SPATA6L: variants seen among roughly 807,000 people sequenced by gnomAD.
SPATA6L encodes spermatogenesis associated 6 like, also known as spermatogenesis associated 6-like protein.
Under a neutral mutation model 49.2 loss-of-function variants are expected in SPATA6L, and 68 were observed. The observed-to-expected ratio is 1.38, with a 90% CI of 1.14 to 1.69. SPATA6L has a LOEUF of 1.69. Ranked by LOEUF, SPATA6L falls within the 40% of genes most tolerant of loss-of-function variation. SPATA6L has a pLI of 0.00. For synonymous variants in SPATA6L, 198 were observed against 165.7 expected (o/e 1.19, Z -1.50); for missense variants, 668 against 464.3 (o/e 1.44, Z -4.03).
At chr9:4,591,843 G>A (rs973069698) in intron 13 of SPATA6L, among the ~76,000 whole-genome samples, 2 of 152,076 alleles carry the variant, frequency 1.3e-5, no homozygotes, top group East Asian at 1.9e-4. Context: ...ATCAATCCAG[G>A]CAGACAGTCA....
At chr9:4,632,531 G>C (rs1390200799) in intron 4 of SPATA6L, among the ~76,000 whole-genome samples, 1 of 151,624 alleles carries the variant, frequency 6.6e-6, no homozygotes, top group Non-Finnish European at 1.5e-5. Context: ...GGGAGGCAGA[G>C]GTTGCAGTGA....
At chr9:4,644,909 G>C (rs1835008644) in intron 3 of SPATA6L, among the ~76,000 whole-genome samples, 1 of 152,160 alleles carries the variant, frequency 6.6e-6, no homozygotes, top group Non-Finnish European at 1.5e-5. Context: ...TTCTAGCACA[G>C]GGGTCACAGA....
At chr9:4,657,995 G>A (rs1464785387) in intron 2 of SPATA6L, among the ~76,000 whole-genome samples, 2 of 152,052 alleles carry the variant, frequency 1.3e-5, no homozygotes, top group Admixed American at 6.6e-5. Flanking sequence ...TGAATGCCGT[G>A]TAAATATTGG....
intron 3 of SPATA6L, among the ~76,000 whole-genome samples, chr9:4,655,555 GTTT>G (rs57237870): frequency 6.9e-6 from 1 of 145,760 alleles, no homozygotes; most frequent in Non-Finnish European, 1.5e-5. Context: ...TTTTTTTGTT[GTTT>G]TTTTTTTTGA....
intron 4 of SPATA6L, among the ~76,000 whole-genome samples, chr9:4,629,562 T>G (rs935149481): frequency 2.6e-4 from 40 of 151,974 alleles, no homozygotes; most frequent in African/African-American, 8.9e-4. Flanking sequence ...TGGAATTGAA[T>G]GAGATTACCT....
intron 9 of SPATA6L, among the ~76,000 whole-genome samples, chr9:4,606,389 A>C (rs1405190237): frequency 4.2e-5 from 5 of 119,298 alleles, no homozygotes; most frequent in Admixed American, 1.8e-4. Flanking sequence ...TGCAGACTTA[A>C]ATGTCCCTGT....
chr9:4,661,824 G>C, intron 2 of SPATA6L, 75 bp downstream of exon 2: 2 of 1,530,824 alleles, frequency 1.3e-6, no homozygotes, highest in Admixed American at 1.9e-5. Flanking sequence ...AAATAATGCT[G>C]TAAGAACTCT....
At chr9:4,663,026 GGCCGC>G in intron 1 of SPATA6L, 1 of 1,613,740 alleles carries the variant, frequency 6.2e-7, no homozygotes, top group Non-Finnish European at 8.5e-7. Flanking sequence ...ATGCCACAAG[GGCCGC>G]CCTGATGTCG....
At chr9:4,614,952 A>G (rs1271101681) in intron 9 of SPATA6L, among the ~76,000 whole-genome samples, 2 of 151,900 alleles carry the variant, frequency 1.3e-5, no homozygotes, top group Non-Finnish European at 2.9e-5. Flanking sequence ...AGAGCTCCTC[A>G]CTCCTTCCAA....
chr9:4,610,868 A>T (rs951416421), intron 9 of SPATA6L, among the ~76,000 whole-genome samples: 4 of 151,714 alleles, frequency 2.6e-5, no homozygotes. Context: ...GCAACCTACA[A>T]AATGGGAGAA....
chr9:4,632,249 A>G (rs1384723150), intron 4 of SPATA6L, among the ~76,000 whole-genome samples: 1 of 151,560 alleles, frequency 6.6e-6, no homozygotes, highest in African/African-American at 2.4e-5. Flanking sequence ...ATCAGCTATT[A>G]TCGAAGTGAT....
At chr9:4,623,492 C>T (rs573781052) in intron 6 of SPATA6L, among the ~76,000 whole-genome samples, 1 of 151,780 alleles carries the variant, frequency 6.6e-6, no homozygotes, top group African/African-American at 2.4e-5. Context: ...TTTAATAAGG[C>T]AGGTTATAAT....
intron 5 of SPATA6L, chr9:4,626,699 A>C: frequency 1.7e-6 from 1 of 592,450 alleles, no homozygotes; most frequent in Non-Finnish European, 2.5e-6. Context: ...TGGTTTCCTG[A>C]CTGGACCCTG....
intron 2 of SPATA6L, among the ~76,000 whole-genome samples, chr9:4,660,854 A>T (rs1281799060): frequency 6.6e-6 from 1 of 152,236 alleles, no homozygotes; most frequent in African/African-American, 2.4e-5. Flanking sequence ...TGCAGCCATA[A>T]AAAAGGATGA....
chr9:4,620,055 G>T (rs924041582), intron 7 of SPATA6L, among the ~76,000 whole-genome samples: 1 of 152,084 alleles, frequency 6.6e-6, no homozygotes, highest in Admixed American at 6.6e-5. Context: ...GATTTTTAAA[G>T]CCAGGCCATT....
At position 4,662,938 on chromosome 9, in the gene SPATA6L, G is replaced by T. The variant is rs760517783; in HGVS notation, c.40-902C>A. On this transcript the variant is annotated intron_variant, in intron 1 of 11. Transcript: ENST00000682582. This position sits in a 1 kb window ranked among gnomAD's most constrained non-coding sequence, Gnocchi z 4.9. Reference sequence around the variant, plus strand: ...GTGGCCTTGATCAAAGGGCTGGTCCGCAGGCGCCGCCCGGCCCACAACCAG... The same window carrying T: ...GTGGCCTTGATCAAAGGGCTGGTCCTCAGGCGCCGCCCGGCCCACAACCAG... 4 of 1,611,290 alleles carry T rather than the reference G, an allele frequency of 2.5e-6. No homozygotes were observed. The South Asian group carries it at 3.3e-5, about 13-fold the overall frequency.
Position 4,604,098 on chromosome 9 carries a change from T to A in SPATA6L, c.*1+81A>T, listed in dbSNP as rs139269065. Reference sequence around the variant, plus strand: ...CTCCACACTTTCTAGTTACTTCATATTGATAGGAGGAAACTGAAATTCTTT... The same window carrying A: ...CTCCACACTTTCTAGTTACTTCATAATGATAGGAGGAAACTGAAATTCTTT... On this transcript the variant is annotated intron_variant, in intron 11 of 11. Coordinates refer to ENST00000682582, the MANE Select transcript of SPATA6L (RefSeq NM_001353486.2). 1.2e-4 allele frequency: 104 copies of A among 896,202 alleles called. No individual in the cohort carries two copies. In the African/African-American group the frequency reaches 1.2e-3, roughly 11 times the overall value. The allele number at this position is 896,202 out of a possible 1,614,324, so 55.5% of individuals were successfully genotyped here. A position where few individuals can be genotyped will look rare whatever the true frequency, so the allele number is the denominator to read the frequency against.
chr9:4,618,116 T>A lies in SPATA6L; in HGVS notation c.808-6A>T, dbSNP rs1036284862. 1.3e-6 allele frequency: 2 copies of A among 1,597,318 alleles called. No homozygotes were observed. The highest frequency in any genetic ancestry group is 3.4e-5 in the Admixed American group (2 of 58,532). On this transcript the variant is annotated splice_region_variant and splice_polypyrimidine_tract_variant and intron_variant, in intron 8 of 11. Coordinates refer to ENST00000682582, the MANE Select transcript of SPATA6L (RefSeq NM_001353486.2). ...TCATCTGGCTCTTTGATAACCTGAG[T>A]GACAATATGCATTATTTAGTTGTAA...
At chr9:4,616,450 G>A (rs113302544) in intron 9 of SPATA6L, among the ~76,000 whole-genome samples, 1,641 of 152,266 alleles carry the variant, frequency 0.011, 34 homozygotes, top group African/African-American at 0.038. Context: ...AATCCAGGAT[G>A]ACCTCCTGTG....
Sources: allele counts gnomAD v4.1 joint callset (sites outside exome capture counted in the v4.1 genomes callset), GRCh38; gene constraint gnomAD v4.1.1; non-coding constraint Gnocchi (gnomAD v3.1); transcripts MANE v1.5; gene names NCBI Gene and HGNC (gene_info 2026-07-23, HGNC 2026-07-21).